The following PCSK2 variants were observed in gnomAD, a reference collection of about 807,000 sequenced individuals.
PCSK2 encodes proprotein convertase subtilisin/kexin type 2.
A neutral mutation model predicts 69.7 loss-of-function variants in PCSK2; 14 were observed. The observed-to-expected ratio is 0.20, with a 90% CI of 0.13 to 0.31. The LOEUF is 0.31. Ranked by LOEUF, PCSK2 falls within the 10% of genes least tolerant of loss-of-function variation. The probability of loss-of-function intolerance (pLI) is 1.00; values close to 1 mark genes in which losing one functional copy is unlikely to be tolerated. For missense variants in PCSK2, 544 were observed against 842.5 expected (o/e 0.65, Z 4.39); for synonymous variants, 307 against 320.7 (o/e 0.96, Z 0.46).
At chr20:17,278,850 C>G (rs6044722) in intron 2 of PCSK2, among the ~76,000 whole-genome samples, 19,239 of 146,768 alleles carry the variant, frequency 0.13, 1,941 homozygotes, top group East Asian at 0.54. Flanking sequence ...CCTCTGTTGC[C>G]TTTTTTTTTT....
chr20:17,336,469 G>A (rs1231597749), intron 2 of PCSK2, among the ~76,000 whole-genome samples: 1 of 152,200 alleles, frequency 6.6e-6, no homozygotes, highest in Non-Finnish European at 1.5e-5. Context: ...ATGGGAGGCT[G>A]TTTAAATGGG....
At chr20:17,312,154 A>C (rs987905306) in intron 2 of PCSK2, among the ~76,000 whole-genome samples, 7 of 152,182 alleles carry the variant, frequency 4.6e-5, no homozygotes, top group Admixed American at 2.6e-4. Context: ...AGGTTTAGAG[A>C]CTAGATTTTT....
chr20:17,410,073 T>C (rs761035346), intron 6 of PCSK2, among the ~76,000 whole-genome samples: 1 of 152,202 alleles, frequency 6.6e-6, no homozygotes, highest in Non-Finnish European at 1.5e-5. Context: ...CATAAAAACA[T>C]ATGAACTTCA....
chr20:17,415,715 G>T (rs138404728), intron 6 of PCSK2, among the ~76,000 whole-genome samples: 2 of 152,106 alleles, frequency 1.3e-5, no homozygotes, highest in Admixed American at 6.5e-5. Flanking sequence ...AAAAGAGCCC[G>T]CATTGCCAAA....
chr20:17,241,063 G>A (rs942436924), intron 1 of PCSK2, among the ~76,000 whole-genome samples: 3 of 152,178 alleles, frequency 2.0e-5, no homozygotes, highest in African/African-American at 4.8e-5. Flanking sequence ...ACAAATGGGA[G>A]TGCTCCATGT....
chr20:17,383,073 T>C (rs952320689), intron 5 of PCSK2, among the ~76,000 whole-genome samples: 2 of 152,218 alleles, frequency 1.3e-5, no homozygotes, highest in Admixed American at 6.5e-5. Flanking sequence ...TGACCTGTCT[T>C]GTTCACCTCT....
At chr20:17,479,294 G>T in intron 11 of PCSK2, 2 of 894,660 alleles carry the variant, frequency 2.2e-6, no homozygotes, top group Non-Finnish European at 3.8e-6. Flanking sequence ...ATTCCACTAT[G>T]CTTGCGGTCC....
chr20:17,474,308 G>A (rs2033253822), intron 11 of PCSK2, among the ~76,000 whole-genome samples: 1 of 152,184 alleles, frequency 6.6e-6, no homozygotes, highest in Middle Eastern at 3.2e-3. Flanking sequence ...TGGCGTTGAT[G>A]CTCCAAAGCC....
At chr20:17,255,448 T>C (rs1987140385) in intron 1 of PCSK2, among the ~76,000 whole-genome samples, 1 of 152,118 alleles carries the variant, frequency 6.6e-6, no homozygotes. Context: ...TTCATGCCAT[T>C]CTCCTGCCTC....
At position 17,484,342 on chromosome 20, in the gene PCSK2, A is replaced by G. The variant is rs1051760787; in HGVS notation, c.*2272A>G. ...CTATATATATAAATATTTGGTCTCT[A>G]TTTCATTTTTTGCATCAGTATTAAT... On this transcript the variant is annotated 3_prime_UTR_variant, in exon 12 of 12. Transcript: ENST00000262545. The G allele has an allele frequency of 4.6e-5, 7 of 152,488 alleles. No homozygotes were observed. Among genetic ancestry groups the G allele is most frequent in the Non-Finnish European group, 1.0e-4 (7 of 67,972 alleles). 9.4% of individuals were successfully genotyped at this position (152,488 alleles called of 1,614,324 possible).
chr20:17,427,115 A>T (rs950374074), intron 6 of PCSK2, among the ~76,000 whole-genome samples: 1 of 152,198 alleles, frequency 6.6e-6, no homozygotes, highest in South Asian at 2.1e-4. Flanking sequence ...CAGTTTTCTC[A>T]TCTTTAAAAT....
rs61156656 is a variant in PCSK2, at chr20:17,450,017, C to CTTTTTTTTT, written c.886-3703_886-3695dup. 4.4e-4 allele frequency among the ~76,000 whole-genome samples: 27 copies of CTTTTTTTTT among 61,834 alleles called. 6 individuals are homozygous for CTTTTTTTTT. The highest frequency in any genetic ancestry group is 6.9e-4 in the Non-Finnish European group (24 of 34,974). 40.6% of individuals were successfully genotyped at this position (61,834 alleles called of 152,430 possible). A position where few individuals can be genotyped will look rare whatever the true frequency, so the allele number is the denominator to read the frequency against. Reference sequence around the variant, plus strand: ...TTTTTAAGTTTGTTGAATTTCTTCCCTTTTTTTTTTTTTTTTTTTTTTTTT... The same window carrying CTTTTTTTTT: ...TTTTTAAGTTTGTTGAATTTCTTCCCTTTTTTTTTTTTTTTTTTTTTTTTTTTTTTTTTT... On this transcript the variant is annotated intron_variant, in intron 8 of 11. Transcript: ENST00000262545.
chr20:17,369,212 T>G, intron 4 of PCSK2, 28 bp from the exon 5 acceptor site: 1 of 1,608,234 alleles, frequency 6.2e-7, no homozygotes, highest in Non-Finnish European at 8.5e-7. Flanking sequence ...TAACCTTTGG[T>G]TCCTGTGTTA....
intron 1 of PCSK2, among the ~76,000 whole-genome samples, chr20:17,230,232 C>T (rs1986097127): frequency 6.6e-6 from 1 of 152,174 alleles, no homozygotes; most frequent in South Asian, 2.1e-4. Flanking sequence ...CTGCTCCCTG[C>T]TCCGAGGCTC....
At chr20:17,256,481 T>C (rs756826816) in intron 1 of PCSK2, among the ~76,000 whole-genome samples, 5 of 152,200 alleles carry the variant, frequency 3.3e-5, no homozygotes, top group Non-Finnish European at 5.9e-5. Flanking sequence ...ACAATTTTTC[T>C]TGAAAATTTG....
chr20:17,235,666 T>C (rs1986311887), intron 1 of PCSK2, among the ~76,000 whole-genome samples: 1 of 152,206 alleles, frequency 6.6e-6, no homozygotes, highest in South Asian at 2.1e-4. Flanking sequence ...CCTTGCTTTC[T>C]GTGTAAACAC....
intron 2 of PCSK2, among the ~76,000 whole-genome samples, chr20:17,344,453 G>A (rs930866047): frequency 6.6e-5 from 10 of 152,168 alleles, no homozygotes; most frequent in Admixed American, 2.0e-4. Flanking sequence ...TGTTGACTAA[G>A]GGGCTAACCT....
chr20:17,230,010 T>C (rs375767584), intron 1 of PCSK2, among the ~76,000 whole-genome samples: 21 of 152,354 alleles, frequency 1.4e-4, no homozygotes, highest in African/African-American at 4.1e-4. Flanking sequence ...TATTTCTCAT[T>C]TCCTCCCTGT....
At chr20:17,365,461 A>T (rs1383029168) in intron 4 of PCSK2, among the ~76,000 whole-genome samples, 1 of 152,162 alleles carries the variant, frequency 6.6e-6, no homozygotes, top group Non-Finnish European at 1.5e-5. Flanking sequence ...CACCCCCCCG[A>T]AAATTTGTGT....
Sources: allele counts gnomAD v4.1 joint callset (sites outside exome capture counted in the v4.1 genomes callset), GRCh38; gene constraint gnomAD v4.1.1; transcripts MANE v1.5; gene names NCBI Gene and HGNC (gene_info 2026-07-23, HGNC 2026-07-21).